The following RERE variants were observed in gnomAD, a reference collection of about 807,000 sequenced individuals.
The protein encoded by RERE is arginine-glutamic acid dipeptide repeats.
In RERE, 40 loss-of-function variants were observed where a neutral mutation model predicts 146.1. The ratio of observed to expected loss-of-function variants is 0.27; its 90% confidence interval spans 0.21 to 0.36. The LOEUF (loss-of-function observed/expected upper bound fraction) is 0.36, where lower values mean the gene tolerates loss of function less well. Among genes scored for constraint, RERE ranks in the 10% least tolerant of loss-of-function variants. The probability of loss-of-function intolerance (pLI) is 1.00; values close to 1 mark genes in which losing one functional copy is unlikely to be tolerated. For synonymous variants in RERE, 1,003 were observed against 866.0 expected (o/e 1.16, Z -2.78); for missense variants, 1,933 against 2,138.7 (o/e 0.90, Z 1.90).
chr1:8,554,652 C>T (rs890096841), intron 6 of RERE, among the ~76,000 whole-genome samples: 2 of 129,998 alleles, frequency 1.5e-5, no homozygotes, highest in Non-Finnish European at 3.1e-5. Context: ...GCACTCCAGG[C>T]TGGACAACAG....
intron 7 of RERE, among the ~76,000 whole-genome samples, chr1:8,514,736 AAAAG>A (rs1471584305): frequency 1.3e-5 from 2 of 151,710 alleles, no homozygotes; most frequent in African/African-American, 2.4e-5. Context: ...GCCTCAAAAA[AAAAG>A]AAAGAAAAGA....
At position 8,811,606 on chromosome 1, in the gene RERE, T is replaced by C. The variant is rs1353869029; in HGVS notation, c.-145+5554A>G. 3.3e-5 allele frequency among the ~76,000 whole-genome samples: 5 copies of C among 152,150 alleles called. No individual in the cohort carries two copies. In the East Asian group the frequency reaches 9.6e-4, roughly 29 times the overall value. ...CTGAACAACAGAGCGAGACCCTCTC[T>C]CAAAAAAGAATCAGACTTCTGGGAG... is the stretch of plus-strand genomic sequence containing the variant. On this transcript the variant is annotated intron_variant, in intron 1 of 22. Transcript: ENST00000400908.
intron 12 of RERE, among the ~76,000 whole-genome samples, chr1:8,399,645 C>T (rs1036613809): frequency 6.6e-6 from 1 of 151,998 alleles, no homozygotes; most frequent in African/African-American, 2.4e-5. Flanking sequence ...GCTGGTTCCA[C>T]AAAAAAATCC....
chr1:8,598,325 GA>G (rs377395050), intron 4 of RERE, among the ~76,000 whole-genome samples: 269 of 152,334 alleles, frequency 1.8e-3, no homozygotes, highest in African/African-American at 6.1e-3. Flanking sequence ...GGAGAGAAGA[GA>G]AAACAGTTAA....
rs553130621 is a variant in RERE at position 8,431,781 on chromosome 1, A to G, written c.1204-8974T>C. 7.9e-4 allele frequency among the ~76,000 whole-genome samples: 120 copies of G among 152,300 alleles called. 1 individual carries two copies. Among genetic ancestry groups the G allele is most frequent in the African/African-American group, 2.8e-3 (115 of 41,566 alleles). ...AGTTTAAAATTAACCTCATGGGCCTAGCACCTCAAATCTCCCCCGCTTCTC... is the reference window on the plus strand; with the variant it reads ...AGTTTAAAATTAACCTCATGGGCCTGGCACCTCAAATCTCCCCCGCTTCTC... On this transcript the variant is annotated intron_variant, in intron 11 of 22. Coordinates refer to ENST00000400908, the MANE Select transcript of RERE (RefSeq NM_001042681.2).
intron 2 of RERE, among the ~76,000 whole-genome samples, chr1:8,634,978 G>A (rs1028153224): frequency 4.6e-5 from 7 of 152,080 alleles, no homozygotes; most frequent in Admixed American, 3.9e-4. Flanking sequence ...CTCGTGATCC[G>A]CCTGCCTCAG....
In RERE at chr1:8,585,746, G is replaced by C. The variant is rs150030752; in HGVS notation, c.523-28223C>G. ...ACTCCAATGTATTATTTGAAAACTG[G>C]GTAAATAAACGGAAGCAACCAAACC... On this transcript the variant is annotated intron_variant, in intron 4 of 22. Transcript: ENST00000400908. Among the ~76,000 whole-genome samples the C allele has an allele frequency of 3.7e-3, 566 of 152,248 alleles. 1 individual carries two copies. Among genetic ancestry groups the C allele is most frequent in the African/African-American group, 0.013 (549 of 41,546 alleles).
intron 1 of RERE, among the ~76,000 whole-genome samples, chr1:8,747,576 A>G (rs998977642): frequency 6.6e-6 from 1 of 152,104 alleles, no homozygotes; most frequent in Non-Finnish European, 1.5e-5. Flanking sequence ...TACTATATTT[A>G]AGACACTCTA....
chr1:8,726,313 G>A (rs371156649), intron 1 of RERE, among the ~76,000 whole-genome samples: 6 of 151,544 alleles, frequency 4.0e-5, no homozygotes, highest in African/African-American at 7.3e-5. Context: ...CACCACGCTC[G>A]GTTAATTTTT....
intron 1 of RERE, among the ~76,000 whole-genome samples, chr1:8,790,968 G>T (rs576072190): frequency 6.6e-6 from 1 of 152,230 alleles, no homozygotes; most frequent in African/African-American, 2.4e-5. Flanking sequence ...CTTTCATTTG[G>T]CAAGAACTCC....
At chr1:8,725,247 G>A (rs570701778) in intron 1 of RERE, among the ~76,000 whole-genome samples, 1 of 152,310 alleles carries the variant, frequency 6.6e-6, no homozygotes, top group Non-Finnish European at 1.5e-5. Flanking sequence ...TATTTCCAAA[G>A]GAAAAATAGT....
At chr1:8,722,502 G>A (rs904621293) in intron 1 of RERE, among the ~76,000 whole-genome samples, 1 of 152,146 alleles carries the variant, frequency 6.6e-6, no homozygotes, top group African/African-American at 2.4e-5. Context: ...AGAGACAAAG[G>A]TGTTAAGTAA....
chr1:8,600,244 TTATAAA>T (rs1646605415), intron 4 of RERE, among the ~76,000 whole-genome samples: 1 of 152,158 alleles, frequency 6.6e-6, no homozygotes, highest in Non-Finnish European at 1.5e-5. Flanking sequence ...CCTCTTTCCT[TTATAAA>T]AATCACCCAG....
intron 2 of RERE, among the ~76,000 whole-genome samples, chr1:8,628,575 T>C (rs978433006): frequency 6.6e-6 from 1 of 152,224 alleles, no homozygotes; most frequent in African/African-American, 2.4e-5. Flanking sequence ...TTCTACTTTA[T>C]ATTACTCTTA....
intron 12 of RERE, among the ~76,000 whole-genome samples, chr1:8,401,057 A>G (rs1395537386): frequency 8.7e-6 from 1 of 115,306 alleles, no homozygotes; most frequent in African/African-American, 3.4e-5. Flanking sequence ...ATATATATAT[A>G]TATATATATA....
At chr1:8,734,366 T>C (rs1640152184) in intron 1 of RERE, among the ~76,000 whole-genome samples, 1 of 152,190 alleles carries the variant, frequency 6.6e-6, no homozygotes, top group Non-Finnish European at 1.5e-5. Context: ...TTTCATCATC[T>C]TCCCTAAGCC....
At chr1:8,523,705 G>A (rs1173753143) in intron 7 of RERE, among the ~76,000 whole-genome samples, 3 of 151,614 alleles carry the variant, frequency 2.0e-5, no homozygotes, top group Non-Finnish European at 4.4e-5. Flanking sequence ...AGACAAATTC[G>A]ACTCTTAACA....
intron 4 of RERE, among the ~76,000 whole-genome samples, chr1:8,609,113 G>T (rs1211207987): frequency 6.6e-6 from 1 of 152,146 alleles, no homozygotes; most frequent in East Asian, 1.9e-4. Flanking sequence ...AGCTACTCAG[G>T]AGGCTGAGGC....
intron 1 of RERE, among the ~76,000 whole-genome samples, chr1:8,771,857 C>T (rs1454760930): frequency 1.4e-5 from 2 of 140,724 alleles, no homozygotes; most frequent in African/African-American, 2.7e-5. Context: ...TTGCAGTGAC[C>T]GGAGATCACG....
Sources: allele counts gnomAD v4.1 joint callset (sites outside exome capture counted in the v4.1 genomes callset), GRCh38; gene constraint gnomAD v4.1.1; transcripts MANE v1.5; gene names NCBI Gene and HGNC (gene_info 2026-07-23, HGNC 2026-07-21).